The following SENP5 variants were observed in gnomAD, a reference collection of about 807,000 sequenced individuals.
The protein encoded by SENP5 is sentrin-specific protease 5.
Under a neutral mutation model 74.2 loss-of-function variants are expected in SENP5, and 21 were observed. The observed-to-expected ratio is 0.28, with a 90% CI of 0.20 to 0.41. The LOEUF is 0.41. Ranked by LOEUF, SENP5 falls within the 10% of genes least tolerant of loss-of-function variation. The pLI is 1.00. For missense variants in SENP5, 717 were observed against 889.1 expected (o/e 0.81, Z 2.46); for synonymous variants, 311 against 312.7 (o/e 0.99, Z 0.06).
At chr3:196,892,039 C>T (rs1287548248) in intron 2 of SENP5, among the ~76,000 whole-genome samples, 1 of 152,066 alleles carries the variant, frequency 6.6e-6, no homozygotes, top group Non-Finnish European at 1.5e-5. Context: ...ATCCACCTGC[C>T]TCAGCCTCCC....
intron 1 of SENP5, among the ~76,000 whole-genome samples, chr3:196,872,220 A>G (rs1322483476): frequency 6.6e-6 from 1 of 152,190 alleles, no homozygotes; most frequent in Admixed American, 6.5e-5. Context: ...TGCGTGTTTT[A>G]TCTTTGAAGG....
Position 196,914,577 on chromosome 3 carries a change from A to AT in SENP5, c.1885-8837_1885-8836insT, listed in dbSNP as rs1715276275. ...AGAGGTTTGCTTTAAAAAAAAAAAAAAAAAAAAAAATATATATATATATAT... is the reference window on the plus strand; with the variant it reads ...AGAGGTTTGCTTTAAAAAAAAAAAAATAAAAAAAAAATATATATATATATAT... On this transcript the variant is annotated intron_variant, in intron 6 of 9. Transcript: ENST00000323460. 13 of 96,340 alleles carry AT rather than the reference A, an allele frequency of 1.3e-4. No individual in the cohort carries two copies. In the East Asian group the frequency reaches 1.6e-3, roughly 12 times the overall value. 6.0% of individuals were successfully genotyped at this position (96,340 alleles called of 1,614,324 possible).
At position 196,885,381 on chromosome 3, in the gene SENP5, A is replaced by G. The variant is rs1401329903; in HGVS notation, c.200A>G (p.Gln67Arg). Residue 67 changes from glutamine (Q) to arginine (R), a missense_variant, in exon 2 of 10, where the codon CAG (glutamine) becomes CGG (arginine). By Grantham distance (43) the Gln-to-Arg change is conservative. Transcript: ENST00000323460. ...GGTAGAAAGAAAGCTCTTCAAATCCAGAAAACGTGGATCAAGGATGAACCC... is the reference window on the plus strand; with the variant it reads ...GGTAGAAAGAAAGCTCTTCAAATCCGGAAAACGTGGATCAAGGATGAACCC... ...FQGRKKALQI[Q>R]KTWIKDEPLC... 3.7e-6 allele frequency: 6 copies of G among 1,614,200 alleles called. No individual in the cohort carries two copies. The highest frequency in any genetic ancestry group is 5.1e-6 in the Non-Finnish European group (6 of 1,180,022).
chr3:196,904,178 T>TG (rs1714811241), intron 6 of SENP5, among the ~76,000 whole-genome samples: 1 of 152,230 alleles, frequency 6.6e-6, no homozygotes, highest in Non-Finnish European at 1.5e-5. Context: ...TGCTATTTGC[T>TG]ATGGAAACAT....
intron 6 of SENP5, among the ~76,000 whole-genome samples, chr3:196,908,169 A>G (rs958252777): frequency 1.3e-5 from 2 of 152,140 alleles, no homozygotes; most frequent in Non-Finnish European, 2.9e-5. Context: ...GGTCCCAGTT[A>G]TCCAGAAGGC....
At position 196,903,871 on chromosome 3, in the gene SENP5, A is replaced by C. The variant is rs145034610; in HGVS notation, c.1884+261A>C. Among the ~76,000 whole-genome samples, 33 of 152,382 alleles carry C rather than the reference A, an allele frequency of 2.2e-4. No individual in the cohort carries two copies. In the East Asian group the frequency reaches 6.0e-3, roughly 28 times the overall value. On this transcript the variant is annotated intron_variant, in intron 6 of 9. Transcript: ENST00000323460. ...GGTGTTATCTGGTAGGCTTGTCAGC[A>C]GACAGCAGAAGCTTTCAACAATTTT...
intron 1 of SENP5, among the ~76,000 whole-genome samples, chr3:196,877,877 C>T (rs1713551047): frequency 6.6e-6 from 1 of 152,138 alleles, no homozygotes. Flanking sequence ...CAAGCATATG[C>T]ATATATTTTT....
chr3:196,908,621 T>A (rs1256889444), intron 6 of SENP5, among the ~76,000 whole-genome samples: 1 of 152,128 alleles, frequency 6.6e-6, no homozygotes, highest in Non-Finnish European at 1.5e-5. Flanking sequence ...GTCAGGAGTT[T>A]GAGATGAGCC....
At chr3:196,900,167 C>G in intron 4 of SENP5, 105 bp downstream of exon 4, 1 of 1,421,762 alleles carries the variant, frequency 7.0e-7, no homozygotes, top group Non-Finnish European at 9.5e-7. Flanking sequence ...AATAAGGATT[C>G]TTCATTCTTT....
At chr3:196,868,194 C>G (rs1007906973) in intron 1 of SENP5, 121 bp downstream of exon 1, 1 of 152,278 alleles carries the variant, frequency 6.6e-6, no homozygotes, top group Non-Finnish European at 1.5e-5. Flanking sequence ...GAGCCGCCCT[C>G]CCCCGCCCGA....
chr3:196,921,826 T>C (rs1414827565), intron 6 of SENP5, among the ~76,000 whole-genome samples: 1 of 152,200 alleles, frequency 6.6e-6, no homozygotes, highest in African/African-American at 2.4e-5. Context: ...AAGGAAATCT[T>C]GGGAAATTAG....
intron 2 of SENP5, among the ~76,000 whole-genome samples, chr3:196,895,027 A>G (rs1039792785): frequency 6.6e-6 from 1 of 151,992 alleles, no homozygotes; most frequent in Non-Finnish European, 1.5e-5. Flanking sequence ...GCCCGTTCTG[A>G]GGTATGCACT....
chr3:196,923,619 T>C, intron 7 of SENP5, 68 bp downstream of exon 7: 1 of 1,092,336 alleles, frequency 9.2e-7, no homozygotes, highest in Non-Finnish European at 1.4e-6. Context: ...TAGCTCTAGA[T>C]AGAACAGCAG....
chr3:196,911,279 A>G (rs1715113982), intron 6 of SENP5, among the ~76,000 whole-genome samples: 1 of 152,228 alleles, frequency 6.6e-6, no homozygotes. Flanking sequence ...CAGGCAACCT[A>G]TAGAATTGGA....
At position 196,921,319 on chromosome 3, in the gene SENP5, G is replaced by A. The variant is rs1477788620; in HGVS notation, c.1885-2095G>A. Among the ~76,000 whole-genome samples the A allele has an allele frequency of 2.0e-5, 3 of 152,274 alleles. No homozygotes were observed. In the East Asian group the frequency reaches 5.8e-4, roughly 29 times the overall value. ...AAATGTCACTACCTCAGCCACCCCT[G>A]TGGACAGTCTGTGGCATCATGTCAG... On this transcript the variant is annotated intron_variant, in intron 6 of 9. Coordinates refer to ENST00000323460, the MANE Select transcript of SENP5 (RefSeq NM_152699.5).
intron 7 of SENP5, among the ~76,000 whole-genome samples, 188 bp downstream of exon 7, chr3:196,923,739 C>G (rs934148633): frequency 1.3e-5 from 2 of 152,174 alleles, no homozygotes; most frequent in Non-Finnish European, 2.9e-5. Context: ...TGTCTAGGAT[C>G]CAGATCCCCC....
intron 1 of SENP5, among the ~76,000 whole-genome samples, chr3:196,882,763 C>T (rs1448150305): frequency 6.6e-6 from 1 of 152,164 alleles, no homozygotes. Flanking sequence ...CTTGGCCTCC[C>T]GAAGTATTGG....
chr3:196,879,434 C>G (rs150475133), intron 1 of SENP5, among the ~76,000 whole-genome samples: 63 of 152,288 alleles, frequency 4.1e-4, no homozygotes, highest in African/African-American at 1.5e-3. Context: ...AAACTCTCTT[C>G]TGGTTGTCTG....
intron 7 of SENP5, among the ~76,000 whole-genome samples, chr3:196,926,407 G>A (rs1203801117): frequency 6.6e-6 from 1 of 151,292 alleles, no homozygotes; most frequent in Non-Finnish European, 1.5e-5. Context: ...GCTTGAACCT[G>A]GGAGGTGGAG....
Sources: gnomAD v4.1 joint callset for allele counts (sites outside exome capture counted in the v4.1 genomes callset) on GRCh38, gnomAD v4.1.1 for gene constraint, MANE v1.5 for transcripts, NCBI Gene and HGNC (gene_info 2026-07-23, HGNC 2026-07-21) for gene names.